The following PTPRD variants were observed in gnomAD, a reference collection of about 807,000 sequenced individuals.
PTPRD encodes the protein receptor-type tyrosine-protein phosphatase delta.
In PTPRD, 34 loss-of-function variants were observed where a neutral mutation model predicts 214.5. That is an observed-to-expected ratio of 0.16 (90% CI 0.12 to 0.21). The LOEUF (loss-of-function observed/expected upper bound fraction) is 0.21, where lower values mean the gene tolerates loss of function less well. PTPRD is among the 10% of genes least tolerant of loss of function. PTPRD has a pLI of 1.00. For missense variants in PTPRD, 2,545 were observed against 2,398.7 expected (o/e 1.06, Z -1.27); for synonymous variants, 1,128 against 845.7 (o/e 1.33, Z -5.79).
At chr9:8,444,702 G>C (rs1200459635) in intron 34 of PTPRD, among the ~76,000 whole-genome samples, 1 of 152,066 alleles carries the variant, frequency 6.6e-6, no homozygotes, top group African/African-American at 2.4e-5. Flanking sequence ...TGCAATGATT[G>C]TTAACAAGCT....
intron 6 of PTPRD, among the ~76,000 whole-genome samples, chr9:9,744,548 T>A (rs997024150): frequency 6.6e-6 from 1 of 152,040 alleles, no homozygotes; most frequent in East Asian, 1.9e-4. Context: ...CCCATAACCT[T>A]TGCTATTGTA....
chr9:10,455,198 G>A (rs1484789762), intron 2 of PTPRD, among the ~76,000 whole-genome samples: 2 of 151,662 alleles, frequency 1.3e-5, no homozygotes, highest in Admixed American at 6.6e-5. Flanking sequence ...TGGAGCCTCT[G>A]TAGCACTGCT....
chr9:10,577,459 T>C (rs1018136846), intron 2 of PTPRD, among the ~76,000 whole-genome samples: 1 of 152,200 alleles, frequency 6.6e-6, no homozygotes, highest in Non-Finnish European at 1.5e-5. Flanking sequence ...CTCCAACTGA[T>C]ATTGACTGGA....
chr9:10,569,164 G>GA (rs770668082), intron 2 of PTPRD, among the ~76,000 whole-genome samples: 19 of 152,032 alleles, frequency 1.2e-4, no homozygotes, highest in Non-Finnish European at 2.1e-4. Flanking sequence ...AAAAACACAT[G>GA]AAAAAATGCT....
chr9:9,691,206 T>C (rs752928278), intron 7 of PTPRD, among the ~76,000 whole-genome samples: 1 of 151,922 alleles, frequency 6.6e-6, no homozygotes, highest in Non-Finnish European at 1.5e-5. Flanking sequence ...TTAACAATAG[T>C]CCCCGTTTTG....
chr9:8,443,924 C>T (rs1360410729), intron 34 of PTPRD, among the ~76,000 whole-genome samples: 1 of 152,106 alleles, frequency 6.6e-6, no homozygotes, highest in Non-Finnish European at 1.5e-5. Flanking sequence ...TTATATATCA[C>T]CATCTTTTAA....
intron 43 of PTPRD, among the ~76,000 whole-genome samples, chr9:8,335,470 C>T (rs535527398): frequency 1.8e-4 from 28 of 152,128 alleles, no homozygotes; most frequent in Non-Finnish European, 3.2e-4. Flanking sequence ...TCTCAATAAA[C>T]TAGGTACTGA....
chr9:8,868,757 T>G (rs1330077059), intron 11 of PTPRD, among the ~76,000 whole-genome samples: 2 of 152,202 alleles, frequency 1.3e-5, no homozygotes, highest in Non-Finnish European at 2.9e-5. Flanking sequence ...GTCCAAATTT[T>G]ATATATGCCT....
chr9:9,682,688 C>G (rs185677421), intron 7 of PTPRD, among the ~76,000 whole-genome samples: 104 of 151,838 alleles, frequency 6.8e-4, no homozygotes, highest in African/African-American at 2.5e-3. Context: ...ACATGCTCAG[C>G]AGATAAGGAA....
chr9:8,474,520 A>G (rs1187049610), intron 30 of PTPRD, among the ~76,000 whole-genome samples: 6 of 152,198 alleles, frequency 3.9e-5, no homozygotes, highest in Admixed American at 2.0e-4. Flanking sequence ...CTTGAGAAAT[A>G]AAGCACAGGG....
At position 9,763,878 on chromosome 9, in the gene PTPRD, T is replaced by C. The variant is rs145175977; in HGVS notation, c.-326+2932A>G. On this transcript the variant is annotated intron_variant, in intron 6 of 45. Transcript: ENST00000381196. ...TTAAATAGACACAATCACATTGAAA[T>C]ATTATGCATTCTTGACGACCTCTCA... Among the ~76,000 whole-genome samples, 757 of 152,296 alleles carry C rather than the reference T, an allele frequency of 5.0e-3. 4 individuals are homozygous for C. The highest frequency in any genetic ancestry group is 0.017 in the African/African-American group (719 of 41,566).
chr9:9,398,743 C>G lies in PTPRD; in HGVS notation c.-236-1261G>C, dbSNP rs572956424. Among the ~76,000 whole-genome samples, 4 of 151,680 alleles carry G rather than the reference C, an allele frequency of 2.6e-5. No homozygotes were observed. The South Asian group carries it at 8.3e-4, about 32-fold the overall frequency. On this transcript the variant is annotated intron_variant, in intron 8 of 45. Coordinates refer to ENST00000381196, the MANE Select transcript of PTPRD (RefSeq NM_002839.4). ...ATTTAAAAAACATGTTTTTTCCCCC[C>G]ACAGGGTTAAATTTTGTATAAAAAG...
intron 7 of PTPRD, among the ~76,000 whole-genome samples, chr9:9,588,244 C>A (rs1217894724): frequency 6.6e-6 from 1 of 151,824 alleles, no homozygotes; most frequent in East Asian, 1.9e-4. Context: ...AATTGGAAGA[C>A]AGAAGGGAGA....
chr9:9,358,927 AC>A (rs1169225447), intron 9 of PTPRD, among the ~76,000 whole-genome samples: 1 of 151,270 alleles, frequency 6.6e-6, no homozygotes, highest in Non-Finnish European at 1.5e-5. Flanking sequence ...ACCTCTATTA[AC>A]CTACAAGCTG....
Position 10,407,798 on chromosome 9 carries a change from G to A in PTPRD, c.-599-66781C>T, listed in dbSNP as rs925299403. Among the ~76,000 whole-genome samples, 55 of 151,620 alleles carry A rather than the reference G, an allele frequency of 3.6e-4. 2 individuals carry two copies. Among genetic ancestry groups the A allele is most frequent in the South Asian group, 2.1e-4 (1 of 4,820 alleles). ...TAGATTTCTAATAAAATGGTAACCTGCTAGAAGGAAATTGTATTTTGTTCC... is the reference window on the plus strand; with the variant it reads ...TAGATTTCTAATAAAATGGTAACCTACTAGAAGGAAATTGTATTTTGTTCC... On this transcript the variant is annotated intron_variant, in intron 2 of 45. Coordinates refer to ENST00000381196, the MANE Select transcript of PTPRD (RefSeq NM_002839.4).
At chr9:8,876,195 C>T (rs946880693) in intron 11 of PTPRD, among the ~76,000 whole-genome samples, 1 of 151,294 alleles carries the variant, frequency 6.6e-6, no homozygotes, top group African/African-American at 2.4e-5. Context: ...TAATCCAAAC[C>T]AAGAGAGCCT....
At chr9:8,555,168 C>T (rs935897007) in intron 14 of PTPRD, among the ~76,000 whole-genome samples, 1 of 152,080 alleles carries the variant, frequency 6.6e-6, no homozygotes, top group Non-Finnish European at 1.5e-5. Flanking sequence ...TGTAATCACA[C>T]CAATTTGGGA....
In PTPRD at chr9:10,546,745, A is replaced by C. The variant is rs565705351; in HGVS notation, c.-600+65653T>G. On this transcript the variant is annotated intron_variant, in intron 2 of 45. Coordinates refer to ENST00000381196, the MANE Select transcript of PTPRD (RefSeq NM_002839.4). ...TGAGCCCTATAGAAAGGGTTCTAGCAACATATAAAAGTATAGTTTGCAAGA... is the reference window on the plus strand; with the variant it reads ...TGAGCCCTATAGAAAGGGTTCTAGCCACATATAAAAGTATAGTTTGCAAGA... Among the ~76,000 whole-genome samples the C allele has an allele frequency of 6.6e-5, 10 of 152,232 alleles. No homozygotes were observed. In the South Asian group the frequency reaches 2.1e-3, roughly 32 times the overall value.
chr9:9,642,365 T>C (rs968303766), intron 7 of PTPRD, among the ~76,000 whole-genome samples: 69 of 149,974 alleles, frequency 4.6e-4, no homozygotes, highest in South Asian at 1.5e-3. Context: ...TGTATACATA[T>C]GTAACTAACC....
Sources: allele counts gnomAD v4.1 joint callset (sites outside exome capture counted in the v4.1 genomes callset), GRCh38; gene constraint gnomAD v4.1.1; transcripts MANE v1.5; gene names NCBI Gene and HGNC (gene_info 2026-07-23, HGNC 2026-07-21).